COLEC10: variants seen among roughly 807,000 people sequenced by gnomAD.
COLEC10 encodes the protein collectin subfamily member 10.
COLEC10 carries 22 observed loss-of-function variants against 28.4 expected under a neutral mutation model. The ratio of observed to expected loss-of-function variants is 0.78; its 90% CI spans 0.55 to 1.11. The LOEUF (loss-of-function observed/expected upper bound fraction) is 1.11. Among genes scored for constraint, COLEC10 ranks in the 50% least tolerant of loss-of-function variants. The pLI is 0.00. For missense variants in COLEC10, 361 were observed against 344.1 expected (o/e 1.05, Z -0.39); for synonymous variants, 125 against 116.1 (o/e 1.08, Z -0.49).
chr8:119,062,516 G>A (rs1226262101), upstream of COLEC10, among the ~76,000 whole-genome samples: 1 of 150,644 alleles, frequency 6.6e-6, no homozygotes, highest in African/African-American at 2.4e-5. Flanking sequence ...GTCTCACTCT[G>A]TTGCTCAGGC....
intron 1 of COLEC10, among the ~76,000 whole-genome samples, chr8:119,075,539 G>C (rs2450079): frequency 0.72 from 109,517 of 152,084 alleles, 40,518 homozygotes; most frequent in African/African-American, 0.89. Flanking sequence ...TTGGAAGCAT[G>C]AGTTTAGGTC....
intron 1 of COLEC10, among the ~76,000 whole-genome samples, chr8:119,003,298 A>G (rs114548067): frequency 0.017 from 2,583 of 152,218 alleles, 31 homozygotes; most frequent in Middle Eastern, 0.031. Flanking sequence ...AACTATGTGG[A>G]TGGAAATCGT....
At chr8:118,990,832 G>A (rs1813494143), upstream of COLEC10, among the ~76,000 whole-genome samples, 4 of 151,940 alleles carry the variant, frequency 2.6e-5, no homozygotes, top group Admixed American at 2.6e-4. Flanking sequence ...AAAGCAAACT[G>A]AGAGTCCCAG....
chr8:118,953,373 G>A, the COLEC10 span, among the ~76,000 whole-genome samples: 1 of 152,196 alleles, frequency 6.6e-6, no homozygotes, highest in Non-Finnish European at 1.5e-5. Flanking sequence ...TGGGACTCAA[G>A]TCAATCCAAG....
chr8:119,032,634 G>A (rs565076825), intron 2 of COLEC10, among the ~76,000 whole-genome samples: 1 of 152,342 alleles, frequency 6.6e-6, no homozygotes, highest in South Asian at 2.1e-4. Context: ...CCGCGCGGTG[G>A]CTCATGCCTG....
the COLEC10 span, among the ~76,000 whole-genome samples, chr8:118,979,894 C>T: frequency 1.3e-5 from 2 of 152,228 alleles, no homozygotes; most frequent in South Asian, 4.1e-4. Flanking sequence ...AGCTCACTCA[C>T]ATGAGTGTTG....
At chr8:118,975,518 A>G in the COLEC10 span, among the ~76,000 whole-genome samples, 6 of 152,052 alleles carry the variant, frequency 3.9e-5, no homozygotes, top group African/African-American at 1.4e-4. Context: ...AGTTATTGGA[A>G]ATGAGTCAAA....
chr8:119,004,988 C>T (rs1350332989), intron 1 of COLEC10, among the ~76,000 whole-genome samples: 1 of 151,998 alleles, frequency 6.6e-6, no homozygotes, highest in African/African-American at 2.4e-5. Flanking sequence ...TTTTATTATT[C>T]TAACATGCAG....
the COLEC10 span, among the ~76,000 whole-genome samples, chr8:118,954,898 A>G: frequency 6.6e-6 from 1 of 152,186 alleles, no homozygotes; most frequent in East Asian, 1.9e-4. Flanking sequence ...TCATAATGGA[A>G]ATACCTGAGA....
At chr8:119,078,703 G>T (rs2130251428) in intron 1 of COLEC10, among the ~76,000 whole-genome samples, 1 of 152,178 alleles carries the variant, frequency 6.6e-6, no homozygotes, top group African/African-American at 2.4e-5. Context: ...TTTAGTGATT[G>T]ATGATTATCA....
At chr8:119,072,938 C>T (rs1440838696) in intron 1 of COLEC10, among the ~76,000 whole-genome samples, 1 of 152,154 alleles carries the variant, frequency 6.6e-6, no homozygotes, top group South Asian at 2.1e-4. Flanking sequence ...CAGCAATTGA[C>T]ACAACTTGAA....
chr8:119,105,769 C>T (rs752119091), intron 5 of COLEC10, 31 bp from the exon 6 acceptor site: 68 of 1,562,238 alleles, frequency 4.4e-5, no homozygotes, highest in East Asian at 3.9e-4. Context: ...TTTTGAGATA[C>T]GTAATGATAC....
chr8:119,071,348 G>T (rs1815120823), intron 1 of COLEC10, among the ~76,000 whole-genome samples: 1 of 152,162 alleles, frequency 6.6e-6, no homozygotes, highest in Non-Finnish European at 1.5e-5. Context: ...TGACCTACAA[G>T]GTCTTGTTTC....
At chr8:118,969,693 C>CTTT in the COLEC10 span, among the ~76,000 whole-genome samples, 275 of 139,418 alleles carry the variant, frequency 2.0e-3, 1 homozygote, top group African/African-American at 6.7e-3. Flanking sequence ...TTCTTTCTTT[C>CTTT]TTTTTTTTTT....
chr8:118,999,940 G>T (rs1046695050), intron 1 of COLEC10, among the ~76,000 whole-genome samples: 7 of 152,124 alleles, frequency 4.6e-5, no homozygotes, highest in Non-Finnish European at 7.3e-5. Flanking sequence ...ATATTGAAAT[G>T]ATAGCTGAAG....
chr8:118,989,574 CACACCCCT>C, the COLEC10 span, among the ~76,000 whole-genome samples: 1 of 148,810 alleles, frequency 6.7e-6, no homozygotes, highest in African/African-American at 2.5e-5. Context: ...CACACACACA[CACACCCCT>C]ACCTACCCAT....
In COLEC10 at chr8:119,106,631, T is replaced by G. The variant is rs1290856188; in HGVS notation, c.*440T>G. 1.2e-5 allele frequency: 2 copies of G among 160,532 alleles called. No homozygotes were observed. The highest frequency in any genetic ancestry group is 1.7e-4 in the South Asian group (1 of 5,718). 9.9% of individuals were successfully genotyped at this position (160,532 alleles called of 1,614,324 possible). On this transcript the variant is annotated 3_prime_UTR_variant, in exon 6 of 6. Transcript: ENST00000332843. ...AAGCCAGACATGTACAAGGGCTTTC[T>G]GTGAGCAATGATAAGATCTTTGAAT...
At chr8:119,102,450 T>C in intron 4 of COLEC10, 49 bp downstream of exon 4, 1 of 1,420,552 alleles carries the variant, frequency 7.0e-7, no homozygotes, top group South Asian at 1.2e-5. Context: ...ATTCCAAGTT[T>C]ATTCATCTCA....
chr8:119,082,122 A>C (rs184038439), intron 1 of COLEC10, among the ~76,000 whole-genome samples: 5 of 152,320 alleles, frequency 3.3e-5, no homozygotes, highest in African/African-American at 1.2e-4. Flanking sequence ...TGATTCGGGT[A>C]CTGAGCCTTG....
Sources: allele counts gnomAD v4.1 joint callset (sites outside exome capture counted in the v4.1 genomes callset), GRCh38; gene constraint gnomAD v4.1.1; transcripts MANE v1.5; gene names NCBI Gene and HGNC (gene_info 2026-07-23, HGNC 2026-07-21).